Variants in CHDH observed in about 807,000 individuals in gnomAD.
CHDH encodes choline dehydrogenase, mitochondrial.
Under a neutral mutation model 56.9 loss-of-function variants are expected in CHDH, and 43 were observed. The observed-to-expected ratio is 0.76, with a 90% CI of 0.59 to 0.97. The LOEUF is 0.97. Among genes scored for constraint, CHDH ranks in the 50% least tolerant of loss-of-function variants. CHDH has a pLI of 0.00. For missense variants in CHDH, 816 were observed against 821.1 expected, an observed-to-expected ratio of 0.99 and a Z score of 0.08; for synonymous variants, 364 against 348.5, an observed-to-expected ratio of 1.04 and a Z score of -0.50.
chr3:53,817,792 C>T lies in CHDH; in HGVS notation c.1770G>A (p.Leu590=). 1.2e-6 allele frequency: 2 copies of T among 1,604,572 alleles called. No homozygotes were observed. Among genetic ancestry groups the T allele is most frequent in the East Asian group, 2.2e-5 (1 of 44,774 alleles). The change falls in exon 9 of 9, where the codon CTG becomes CTA. Residue 590 remains leucine (L), a synonymous_variant. Coordinates refer to ENST00000315251, the MANE Select transcript of CHDH (RefSeq NM_018397.5). ...AGCAACTGTCTTAGCGCTGGGTGGC[C>T]AGCGTCCTGGGCTTGTAGACAGGGA... ...KDVPVYKPRT[L]ATQR is the part of the protein sequence containing the mutation.
chr3:53,845,871 G>C (rs905943400), intron 1 of CHDH, among the ~76,000 whole-genome samples: 1 of 152,244 alleles, frequency 6.6e-6, no homozygotes, highest in African/African-American at 2.4e-5. Flanking sequence ...CTAACCCCGC[G>C]TAGCTGAAAG....
intron 2 of CHDH, among the ~76,000 whole-genome samples, chr3:53,836,827 G>C (rs1430455759): frequency 6.6e-6 from 1 of 152,230 alleles, no homozygotes; most frequent in Non-Finnish European, 1.5e-5. Context: ...TCTAGATCCA[G>C]ACCTGGTGAT....
At chr3:53,824,884 C>G (rs748450986) in intron 2 of CHDH, among the ~76,000 whole-genome samples, 2 of 152,224 alleles carry the variant, frequency 1.3e-5, no homozygotes, top group South Asian at 2.1e-4. Flanking sequence ...CTGCCCAAGA[C>G]AGGCTGAAAC....
At position 53,815,114 on chromosome 3, in the gene CHDH, A is replaced by G. The variant is rs186466501; in HGVS notation, c.*2663T>C. The G allele has an allele frequency of 3.9e-4, 59 of 152,366 alleles. No individual in the cohort carries two copies. Among genetic ancestry groups the G allele is most frequent in the African/African-American group, 1.4e-3 (58 of 41,574 alleles). The allele number at this position is 152,366 out of a possible 1,614,324, so 9.4% of individuals were successfully genotyped here. A position where few individuals can be genotyped will look rare whatever the true frequency, so the allele number is the denominator to read the frequency against. On this transcript the variant is annotated 3_prime_UTR_variant, in exon 9 of 9. Coordinates refer to ENST00000315251, the MANE Select transcript of CHDH (RefSeq NM_018397.5). The stretch of plus-strand genomic sequence containing the variant: ...CTTGGCTCCCACACAGCCCACCCCT[A>G]TCCCCTATTCCATCAGGAGCTGCCT...
At chr3:53,831,952 C>CAA (rs113683840) in intron 2 of CHDH, among the ~76,000 whole-genome samples, 4 of 106,602 alleles carry the variant, frequency 3.8e-5, no homozygotes, top group Non-Finnish European at 4.1e-5. Context: ...GACTCCATCT[C>CAA]AAAAAAAAAA....
chr3:53,822,274 G>A (rs2106960582), intron 4 of CHDH, among the ~76,000 whole-genome samples: 1 of 152,138 alleles, frequency 6.6e-6, no homozygotes, highest in Admixed American at 6.5e-5. Flanking sequence ...ATGGCACACA[G>A]GGGCACTGAC....
chr3:53,820,810 C>T (rs568770193), intron 5 of CHDH, among the ~76,000 whole-genome samples: 1 of 152,370 alleles, frequency 6.6e-6, no homozygotes, highest in South Asian at 2.1e-4. Flanking sequence ...GCCTCGGATG[C>T]TGCCAAGGCC....
At chr3:53,831,360 G>A (rs545739897) in intron 2 of CHDH, among the ~76,000 whole-genome samples, 4 of 152,226 alleles carry the variant, frequency 2.6e-5, no homozygotes, top group Non-Finnish European at 5.9e-5. Context: ...AAGGCCACAA[G>A]CCTGGCTGGC....
chr3:53,832,394 T>C (rs775985588), intron 2 of CHDH, among the ~76,000 whole-genome samples: 1 of 152,050 alleles, frequency 6.6e-6, no homozygotes, highest in Admixed American at 6.6e-5. Flanking sequence ...TAGCCAGGCA[T>C]GGTGGTGGGT....
At chr3:53,821,360 C>T (rs57746737) in intron 5 of CHDH, among the ~76,000 whole-genome samples, 8,333 of 152,284 alleles carry the variant, frequency 0.055, 780 homozygotes, top group African/African-American at 0.19. Context: ...CACGCCCATG[C>T]CCGACCCAGT....
chr3:53,817,992 G>A lies in CHDH; in HGVS notation c.1570C>T (p.Pro524Ser). The change falls in exon 9 of 9, where the codon CCC (proline) becomes TCC (serine). Residue 524 changes from proline to serine, a missense_variant. Pro to Ser is a moderately conservative substitution (Grantham distance 74). Transcript: ENST00000315251. ...GTCTGCGGATCCACCACGGCAGTGGGATCGGAGGGCTGGCCCATCTTACAG... is the reference window on the plus strand; with the variant it reads ...GTCTGCGGATCCACCACGGCAGTGGAATCGGAGGGCTGGCCCATCTTACAG... ...CTCKMGQPSDPTAVVDPQTRV... is the reference protein window; with the variant it reads ...CTCKMGQPSDSTAVVDPQTRV... 6.2e-7 allele frequency: 1 copy of A among 1,614,214 alleles called. No homozygotes were observed. The highest frequency in any genetic ancestry group is 8.5e-7 in the Non-Finnish European group (1 of 1,180,038).
At position 53,819,161 on chromosome 3, in the gene CHDH, T is replaced by A; in HGVS notation, c.1264-121A>T. 3 of 683,948 alleles carry A rather than the reference T, an allele frequency of 4.4e-6. No homozygotes were observed. The highest frequency in any genetic ancestry group is 7.5e-6 in the Non-Finnish European group (3 of 397,960). 42.4% of individuals were successfully genotyped at this position (683,948 alleles called of 1,614,324 possible). A position where few individuals can be genotyped will look rare whatever the true frequency, so the allele number is the denominator to read the frequency against. On this transcript the variant is annotated intron_variant, in intron 7 of 8. Coordinates refer to ENST00000315251, the MANE Select transcript of CHDH (RefSeq NM_018397.5). The surrounding 1 kb of genome is among the most constrained non-coding windows in gnomAD (Gnocchi z 5.4). ...CCAGAATCAGTGGGGAACAGATGCA[T>A]GTTAGCATTTGCCCGCATGGTACCC...
Position 53,816,684 on chromosome 3 carries a change from C to G in CHDH, c.*1093G>C, listed in dbSNP as rs1005827146. The G allele has an allele frequency of 2.0e-5, 3 of 152,152 alleles. No homozygotes were observed. Among genetic ancestry groups the G allele is most frequent in the African/African-American group, 7.2e-5 (3 of 41,442 alleles). 9.4% of individuals were successfully genotyped at this position (152,152 alleles called of 1,614,324 possible). On this transcript the variant is annotated 3_prime_UTR_variant, in exon 9 of 9. Transcript: ENST00000315251. The stretch of plus-strand genomic sequence containing the variant: ...TCGGGCTAGCTGCTTCAGTAGGAAT[C>G]AGTGATCTGGTACGTGGGGTTTGCT...
intron 2 of CHDH, among the ~76,000 whole-genome samples, chr3:53,828,460 G>C (rs1460451179): frequency 1.3e-5 from 2 of 152,162 alleles, no homozygotes; most frequent in African/African-American, 2.4e-5. Context: ...AGAATTAATA[G>C]ACAAGTCACA....
intron 2 of CHDH, 33 bp downstream of exon 2, chr3:53,840,896 A>G (rs1215892290): frequency 6.6e-6 from 1 of 152,142 alleles, no homozygotes; most frequent in East Asian, 1.9e-4. Flanking sequence ...CTTTTAACCC[A>G]TCTTTTTGAA....
chr3:53,816,566 G>C lies in CHDH; in HGVS notation c.*1211C>G, dbSNP rs895907879. On this transcript the variant is annotated 3_prime_UTR_variant, in exon 9 of 9. Transcript: ENST00000315251. Reference sequence around the variant, plus strand: ...TCCATCCTAGTCTGTTCCTGTGGACGTCTACAGAATAAGAATTAACCATCC... The same window carrying C: ...TCCATCCTAGTCTGTTCCTGTGGACCTCTACAGAATAAGAATTAACCATCC... 1 of 152,094 alleles carries C rather than the reference G, an allele frequency of 6.6e-6. No individual in the cohort carries two copies. The highest frequency in any genetic ancestry group is 2.4e-5 in the African/African-American group (1 of 41,376). 9.4% of individuals were successfully genotyped at this position (152,094 alleles called of 1,614,324 possible).
At chr3:53,820,734 C>T (rs1157027990) in intron 5 of CHDH, 126 bp from the exon 6 acceptor site, 2 of 1,229,208 alleles carry the variant, frequency 1.6e-6, no homozygotes, top group Non-Finnish European at 2.2e-6. Flanking sequence ...TGCTCAGTTC[C>T]CTGGTCTCAG....
intron 1 of CHDH, among the ~76,000 whole-genome samples, chr3:53,842,662 C>A (rs1012299275): frequency 6.6e-6 from 1 of 152,200 alleles, no homozygotes; most frequent in Non-Finnish European, 1.5e-5. Flanking sequence ...TGAGTTAACA[C>A]CTAGCCTGAG....
intron 3 of CHDH, 68 bp downstream of exon 3, chr3:53,823,238 C>A: frequency 7.2e-7 from 1 of 1,384,900 alleles, no homozygotes; most frequent in Non-Finnish European, 9.5e-7. Flanking sequence ...CCTGGAGCCA[C>A]GGGCCAAGAT....
Sources: gnomAD v4.1 joint callset for allele counts (sites outside exome capture counted in the v4.1 genomes callset) on GRCh38, gnomAD v4.1.1 for gene constraint, Gnocchi (gnomAD v3.1) non-coding constraint, MANE v1.5 for transcripts, NCBI Gene and HGNC (gene_info 2026-07-23, HGNC 2026-07-21) for gene names.